EHD4: variants seen among roughly 807,000 people sequenced by gnomAD.
EHD4 encodes EH domain-containing protein 4.
Under a neutral mutation model 51.0 loss-of-function variants are expected in EHD4, and 37 were observed. The observed-to-expected ratio is 0.73, with a 90% CI of 0.56 to 0.95. The LOEUF (loss-of-function observed/expected upper bound fraction) is 0.95. Ranked by LOEUF, EHD4 falls within the 40% of genes least tolerant of loss-of-function variation. EHD4 has a pLI of 0.00. For synonymous variants in EHD4, 297 were observed against 317.3 expected, an observed-to-expected ratio of 0.94 and a Z score of 0.68; for missense variants, 632 against 733.1, an observed-to-expected ratio of 0.86 and a Z score of 1.59.
At chr15:41,936,060 G>A (rs909854608) in intron 3 of EHD4, among the ~76,000 whole-genome samples, 5 of 152,162 alleles carry the variant, frequency 3.3e-5, no homozygotes, top group South Asian at 4.1e-4. Context: ...GATGGCATTC[G>A]GCTTTCCACA....
chr15:41,925,435 G>T (rs1234446630), intron 3 of EHD4, among the ~76,000 whole-genome samples: 2 of 152,212 alleles, frequency 1.3e-5, no homozygotes, highest in Non-Finnish European at 2.9e-5. Context: ...GTTTCAGCTA[G>T]GCACAATGCA....
intron 3 of EHD4, among the ~76,000 whole-genome samples, chr15:41,937,773 T>C (rs2067742161): frequency 6.6e-6 from 1 of 152,210 alleles, no homozygotes; most frequent in South Asian, 2.1e-4. Flanking sequence ...GGTCTGCTGG[T>C]GCCTTTTTCA....
At chr15:41,972,087 C>A (rs1020773954) in intron 1 of EHD4, among the ~76,000 whole-genome samples, 172 bp downstream of exon 1, 1 of 151,802 alleles carries the variant, frequency 6.6e-6, no homozygotes, top group African/African-American at 2.4e-5. Flanking sequence ...GACCCTCCAG[C>A]GCGCGGGGCT....
At chr15:41,928,310 A>G (rs377756206) in intron 3 of EHD4, 3 of 152,310 alleles carry the variant, frequency 2.0e-5, no homozygotes, top group African/African-American at 7.2e-5. Context: ...CCTTGCAACA[A>G]TCCCATGAAG....
chr15:41,956,093 C>T (rs1056319855), intron 1 of EHD4, among the ~76,000 whole-genome samples: 1 of 152,168 alleles, frequency 6.6e-6, no homozygotes, highest in Non-Finnish European at 1.5e-5. Context: ...ATGTGAGGTG[C>T]GGGAGTGGGT....
intron 3 of EHD4, among the ~76,000 whole-genome samples, chr15:41,931,684 T>G (rs1260795787): frequency 2.6e-5 from 4 of 151,790 alleles, no homozygotes; most frequent in Non-Finnish European, 5.9e-5. Flanking sequence ...CAATTTCTTT[T>G]TTTTTTTTTT....
At chr15:41,919,151 G>A (rs2067605263) in intron 4 of EHD4, 59 bp downstream of exon 4, 1 of 1,600,968 alleles carries the variant, frequency 6.2e-7, no homozygotes. Context: ...TCTTGCCTCT[G>A]GAGAGGAGAC....
intron 3 of EHD4, chr15:41,928,727 C>G (rs561359039): frequency 1.2e-4 from 18 of 152,278 alleles, no homozygotes; most frequent in African/African-American, 3.9e-4. Flanking sequence ...GTGGGTGTGC[C>G]GAGCACCACC....
intron 4 of EHD4, among the ~76,000 whole-genome samples, chr15:41,918,433 G>A (rs75238763): frequency 0.025 from 3,842 of 152,286 alleles, 176 homozygotes; most frequent in African/African-American, 0.089. Context: ...TATGAAACAT[G>A]CACATATTTT....
chr15:41,901,153 T>C lies in EHD4; in HGVS notation c.1118A>G (p.Lys373Arg), dbSNP rs183492226. 6.4e-6 allele frequency: 10 copies of C among 1,565,938 alleles called. No homozygotes were observed. Among genetic ancestry groups the C allele is most frequent in the Non-Finnish European group, 8.6e-6 (10 of 1,158,600 alleles). ...CAGCTTGGGCTTCAGCGAGTGGAAT[T>C]TGGTGAAGTCATAGTTCTCAAGCTG... ...QEQLENYDFT[K>R]FHSLKPKLIE... The change falls in exon 6 of 6, where the codon AAA becomes AGA. Residue 373 changes from lysine (K) to arginine (R), a missense_variant. Physicochemically the swap from Lys to Arg is conservative, Grantham distance 26 (BLOSUM62 2). Coordinates refer to ENST00000220325, the MANE Select transcript of EHD4 (RefSeq NM_139265.4).
chr15:41,957,816 G>A (rs1343004320), intron 1 of EHD4, among the ~76,000 whole-genome samples: 1 of 152,202 alleles, frequency 6.6e-6, no homozygotes, highest in East Asian at 1.9e-4. Context: ...CTGTTACACT[G>A]CTGGGTAAAC....
chr15:41,934,022 C>A (rs1265201577), intron 3 of EHD4, among the ~76,000 whole-genome samples: 4 of 152,138 alleles, frequency 2.6e-5, no homozygotes, highest in Non-Finnish European at 4.4e-5. Flanking sequence ...GAGCCTGCCC[C>A]ACCCCATCGT....
intron 5 of EHD4, among the ~76,000 whole-genome samples, chr15:41,902,270 T>TCCATCCAC (rs2067482640): frequency 6.6e-6 from 1 of 151,572 alleles, no homozygotes; most frequent in African/African-American, 2.4e-5. Context: ...CATCCATCCA[T>TCCATCCAC]CCATCCATCC....
At chr15:41,912,380 T>C (rs972356764) in intron 4 of EHD4, among the ~76,000 whole-genome samples, 1 of 152,160 alleles carries the variant, frequency 6.6e-6, no homozygotes, top group African/African-American at 2.4e-5. Flanking sequence ...CCAACTTCTG[T>C]GCACAGACCT....
intron 3 of EHD4, among the ~76,000 whole-genome samples, chr15:41,933,738 G>C (rs919748843): frequency 1.3e-5 from 2 of 152,116 alleles, no homozygotes; most frequent in Non-Finnish European, 2.9e-5. Flanking sequence ...ATAAAACCAG[G>C]GAAGGTTATT....
chr15:41,955,805 T>C (rs1675139244), intron 1 of EHD4, among the ~76,000 whole-genome samples: 1 of 152,156 alleles, frequency 6.6e-6, no homozygotes, highest in African/African-American at 2.4e-5. Context: ...GCGTGTGGAC[T>C]CCATATACCC....
chr15:41,960,622 G>A (rs1270913334), intron 1 of EHD4, among the ~76,000 whole-genome samples: 1 of 150,436 alleles, frequency 6.6e-6, no homozygotes, highest in East Asian at 1.9e-4. Flanking sequence ...ACTTAAAAAA[G>A]TCTCCTTTGA....
intron 3 of EHD4, among the ~76,000 whole-genome samples, chr15:41,930,934 A>C (rs1001570256): frequency 6.6e-6 from 1 of 152,256 alleles, no homozygotes; most frequent in African/African-American, 2.4e-5. Context: ...AAAAAGGTAT[A>C]CATGAAAAGA....
intron 5 of EHD4, among the ~76,000 whole-genome samples, chr15:41,902,562 A>G (rs1048325052): frequency 1.6e-4 from 24 of 152,094 alleles, no homozygotes; most frequent in African/African-American, 5.3e-4. Flanking sequence ...CACAGTGAAA[A>G]GGATAACATG....
Sources: allele counts gnomAD v4.1 joint callset (sites outside exome capture counted in the v4.1 genomes callset), GRCh38; gene constraint gnomAD v4.1.1; transcripts MANE v1.5; gene names NCBI Gene and HGNC (gene_info 2026-07-23, HGNC 2026-07-21).